The following ZNF423 variants were observed in gnomAD, a reference collection of about 807,000 sequenced individuals.
ZNF423 encodes Ebf-associated zinc finger protein.
Under a neutral mutation model 95.8 loss-of-function variants are expected in ZNF423, and 12 were observed. The ratio of observed to expected loss-of-function variants is 0.13; its 90% confidence interval spans 0.08 to 0.20. ZNF423 has a LOEUF of 0.20. Among genes scored for constraint, ZNF423 ranks in the 10% least tolerant of loss-of-function variants. ZNF423 has a pLI of 1.00. For missense variants in ZNF423, 1,316 were observed against 1,737.1 expected (o/e 0.76, Z 4.31); for synonymous variants, 749 against 711.9 (o/e 1.05, Z -0.83).
chr16:49,732,879 C>T (rs1345909235), intron 2 of ZNF423, among the ~76,000 whole-genome samples: 2 of 152,210 alleles, frequency 1.3e-5, no homozygotes, highest in Non-Finnish European at 2.9e-5. Context: ...TTGCACGACA[C>T]GCCGCCTGGA....
intron 1 of ZNF423, among the ~76,000 whole-genome samples, chr16:49,799,792 GTTTAT>G (rs2034554429): frequency 6.6e-6 from 1 of 152,108 alleles, no homozygotes; most frequent in Non-Finnish European, 1.5e-5. Flanking sequence ...TTTTGTTTTG[GTTTAT>G]TTTATTTTTT....
rs59544171 is a variant in ZNF423 at position 49,762,271 on chromosome 16, G to A, written c.100+27216C>T. Among the ~76,000 whole-genome samples, 15 of 152,314 alleles carry A rather than the reference G, an allele frequency of 9.8e-5. 1 individual carries two copies. Among genetic ancestry groups the A allele is most frequent in the South Asian group, 6.2e-4 (3 of 4,826 alleles). On this transcript the variant is annotated intron_variant, in intron 2 of 7. Coordinates refer to ENST00000563137, the MANE Select transcript of ZNF423 (RefSeq NM_001379286.1). ...CACACCAGGTTGTATTAGTCATGGT[G>A]CACGTCCCCCAGCGCCCCAGAAGGA...
intron 1 of ZNF423, chr16:49,854,131 G>C (rs937438662): frequency 4.1e-6 from 4 of 985,238 alleles, no homozygotes; most frequent in African/African-American, 1.7e-5. Context: ...TGGTTTCCCT[G>C]TCCCCCAATC....
chr16:49,525,606 C>G, intron 5 of ZNF423, 112 bp from the exon 6 acceptor site: 1 of 1,474,788 alleles, frequency 6.8e-7, no homozygotes, highest in Non-Finnish European at 9.2e-7. Context: ...TCCCCAGCAC[C>G]GGGGCTGGTG....
chr16:49,547,664 G>A (rs1000749169), intron 5 of ZNF423, among the ~76,000 whole-genome samples: 2 of 152,188 alleles, frequency 1.3e-5, no homozygotes, highest in African/African-American at 2.4e-5. Context: ...AGGGTGGCAC[G>A]CTCCTTCCAG....
intron 2 of ZNF423, among the ~76,000 whole-genome samples, chr16:49,756,832 G>A (rs1044863992): frequency 5.3e-5 from 8 of 152,234 alleles, no homozygotes; most frequent in African/African-American, 1.7e-4. Flanking sequence ...AGTCCATTGC[G>A]AGATGGCGGG....
chr16:49,717,243 C>T (rs2032735182), intron 3 of ZNF423, among the ~76,000 whole-genome samples: 1 of 152,182 alleles, frequency 6.6e-6, no homozygotes, highest in Non-Finnish European at 1.5e-5. Context: ...ACAGAGGCAT[C>T]TTACCCAGAG....
chr16:49,769,491 G>T (rs548318329), intron 2 of ZNF423, among the ~76,000 whole-genome samples: 1 of 151,988 alleles, frequency 6.6e-6, no homozygotes, highest in Non-Finnish European at 1.5e-5. Context: ...ATGAGTACTT[G>T]GTCAGCCCCG....
intron 3 of ZNF423, among the ~76,000 whole-genome samples, chr16:49,719,476 TG>T (rs1490100925): frequency 6.6e-6 from 1 of 152,230 alleles, no homozygotes; most frequent in East Asian, 1.9e-4. Flanking sequence ...TGGTAACACT[TG>T]GGTGATATAG....
At chr16:49,533,748 A>G (rs540722490) in intron 5 of ZNF423, among the ~76,000 whole-genome samples, 58 of 152,346 alleles carry the variant, frequency 3.8e-4, no homozygotes, top group African/African-American at 9.4e-4. Context: ...GCAGATGCCC[A>G]GGGTGACACT....
intron 3 of ZNF423, among the ~76,000 whole-genome samples, chr16:49,708,438 C>T (rs2143089941): frequency 6.6e-6 from 1 of 152,226 alleles, no homozygotes; most frequent in East Asian, 1.9e-4. Context: ...AGGTGTGTGC[C>T]ACCATGTCCA....
At position 49,666,176 on chromosome 16, in the gene ZNF423, G is replaced by T. The variant is rs993041069; in HGVS notation, c.302-27302C>A. 3.9e-5 allele frequency among the ~76,000 whole-genome samples: 6 copies of T among 152,324 alleles called. 1 individual carries two copies. The highest frequency in any genetic ancestry group is 2.1e-4 in the South Asian group (1 of 4,826). The stretch of plus-strand genomic sequence containing the variant: ...CAGCTTCGTCCCTTTGAAAGGAATT[G>T]TTCTTTTGGCTTTTGTTCTAATTAT... On this transcript the variant is annotated intron_variant, in intron 3 of 7. Coordinates refer to ENST00000563137, the MANE Select transcript of ZNF423 (RefSeq NM_001379286.1).
Position 49,492,494 on chromosome 16 carries a change from CG to C in ZNF423, c.3850-1191del, listed in dbSNP as rs376474053. On this transcript the variant is annotated intron_variant, in intron 7 of 7. Transcript: ENST00000563137. The surrounding 1 kb of genome is among the most constrained non-coding windows in gnomAD (Gnocchi z 4.2). ...CCGAGGCCGGGGCCGGGGCCGGGGC[CG>C]GGGCCGAGACGGGCCACTCCTGCTC... Among the ~76,000 whole-genome samples the C allele has an allele frequency of 1.5e-4, 22 of 151,468 alleles. No homozygotes were observed. In the East Asian group the frequency reaches 3.1e-3, roughly 22 times the overall value.
intron 1 of ZNF423, among the ~76,000 whole-genome samples, chr16:49,792,364 C>G (rs1165439364): frequency 6.6e-6 from 1 of 152,134 alleles, no homozygotes; most frequent in Non-Finnish European, 1.5e-5. Context: ...GGGAAACACC[C>G]AACATTTTGG....
chr16:49,727,177 G>A (rs1286624433), intron 3 of ZNF423, among the ~76,000 whole-genome samples: 1 of 152,214 alleles, frequency 6.6e-6, no homozygotes, highest in Non-Finnish European at 1.5e-5. Flanking sequence ...GGAGAGAGAG[G>A]AACAGGACTT....
At chr16:49,627,602 C>T (rs893872441) in intron 4 of ZNF423, among the ~76,000 whole-genome samples, 3 of 147,994 alleles carry the variant, frequency 2.0e-5, no homozygotes, top group Non-Finnish European at 4.5e-5. Flanking sequence ...TATCTATACT[C>T]ACTCACCCAT....
rs80072157 is a variant in ZNF423, at chr16:49,515,793, G to C, written c.3849+7831C>G. On this transcript the variant is annotated intron_variant, in intron 7 of 7. Transcript: ENST00000563137. ...AGGATGAAGAACAGGAAGCAGCAAGGCTCTTAGGATGGGGAGATGGAGGCA... is the reference window on the plus strand; with the variant it reads ...AGGATGAAGAACAGGAAGCAGCAAGCCTCTTAGGATGGGGAGATGGAGGCA... 3.7e-3 allele frequency among the ~76,000 whole-genome samples: 566 copies of C among 152,334 alleles called. 8 individuals carry two copies. Among genetic ancestry groups the C allele is most frequent in the African/African-American group, 0.013 (538 of 41,588 alleles).
intron 5 of ZNF423, among the ~76,000 whole-genome samples, chr16:49,620,151 ACACACACACAC>A (rs1972012305): frequency 6.6e-6 from 1 of 151,324 alleles, no homozygotes; most frequent in South Asian, 2.1e-4. Flanking sequence ...ACACACACAC[ACACACACACAC>A]CACACACACA....
At chr16:49,685,089 A>G (rs1346661921) in intron 3 of ZNF423, among the ~76,000 whole-genome samples, 1 of 152,072 alleles carries the variant, frequency 6.6e-6, no homozygotes, top group Admixed American at 6.6e-5. Context: ...GGCCATAACA[A>G]GCGGGCATCC....
Sources: allele counts gnomAD v4.1 joint callset (sites outside exome capture counted in the v4.1 genomes callset), GRCh38; gene constraint gnomAD v4.1.1; non-coding constraint Gnocchi (gnomAD v3.1); transcripts MANE v1.5; gene names NCBI Gene and HGNC (gene_info 2026-07-23, HGNC 2026-07-21).